ETV6: variants seen among roughly 807,000 people sequenced by gnomAD.
ETV6 encodes ETS variant transcription factor 6, also known as transcription factor ETV6.
Under a neutral mutation model 51.1 loss-of-function variants are expected in ETV6, and 16 were observed. The ratio of observed to expected loss-of-function variants is 0.31; its 90% CI spans 0.21 to 0.48. The LOEUF (loss-of-function observed/expected upper bound fraction) is 0.48. Among genes scored for constraint, ETV6 ranks in the 20% least tolerant of loss-of-function variants. The pLI is 0.99. For missense variants in ETV6, 458 were observed against 594.8 expected (o/e 0.77, Z 2.39); for synonymous variants, 240 against 224.1 (o/e 1.07, Z -0.64).
rs181439339 is a variant in ETV6, at chr12:11,845,941, G to A, written c.328+6637G>A. On this transcript the variant is annotated intron_variant, in intron 3 of 7. Coordinates refer to ENST00000396373, the MANE Select transcript of ETV6 (RefSeq NM_001987.5). ...CAGGAGGCGGAGGTTGCAGTGAGCC[G>A]AGATCACGCCATTGCTCTCCAGCCT... Among the ~76,000 whole-genome samples, 42 of 150,806 alleles carry A rather than the reference G, an allele frequency of 2.8e-4. 1 individual carries two copies. The highest frequency in any genetic ancestry group is 9.8e-4 in the African/African-American group (40 of 41,002).
chr12:11,717,271 C>T (rs1014908732), intron 1 of ETV6, among the ~76,000 whole-genome samples: 1 of 152,252 alleles, frequency 6.6e-6, no homozygotes. Context: ...GCCACATTTT[C>T]AGCTTCAATA....
At chr12:11,783,799 CTT>C (rs910072001) in intron 2 of ETV6, among the ~76,000 whole-genome samples, 2 of 152,124 alleles carry the variant, frequency 1.3e-5, no homozygotes, top group African/African-American at 4.8e-5. Context: ...GGCTTCATAA[CTT>C]GTGGAAACTC....
At chr12:11,653,817 T>C (rs1452069417) in intron 1 of ETV6, among the ~76,000 whole-genome samples, 7 of 151,790 alleles carry the variant, frequency 4.6e-5, no homozygotes, top group Non-Finnish European at 1.5e-5. Flanking sequence ...AATAATGTTT[T>C]ATAATTTTTT....
intron 2 of ETV6, among the ~76,000 whole-genome samples, chr12:11,835,495 A>G (rs1946304532): frequency 6.6e-6 from 1 of 152,138 alleles, no homozygotes; most frequent in African/African-American, 2.4e-5. Context: ...CTTCTGTTCC[A>G]TTTGCAGCTG....
rs564916593 is a variant in ETV6 at position 11,676,835 on chromosome 12, G to T, written c.33+26675G>T. Among the ~76,000 whole-genome samples the T allele has an allele frequency of 4.6e-5, 7 of 152,328 alleles. No homozygotes were observed. The South Asian group carries it at 1.4e-3, about 32-fold the overall frequency. On this transcript the variant is annotated intron_variant, in intron 1 of 7. Coordinates refer to ENST00000396373, the MANE Select transcript of ETV6 (RefSeq NM_001987.5). ...TGATTGAAGGAGTGCGTGGAAAACA[G>T]AATTTGGTCTTTGATTTTTTTCTGT...
chr12:11,893,362 T>A lies in ETV6; in HGVS notation c.*2316T>A, dbSNP rs1471469019. On this transcript the variant is annotated 3_prime_UTR_variant, in exon 8 of 8. Coordinates refer to ENST00000396373, the MANE Select transcript of ETV6 (RefSeq NM_001987.5). ...ACTCAGTCTCTTACTGTTCAAAGAA[T>A]CTTAACAGTTGAATTATGGAGGGAA... 4.7e-6 allele frequency: 1 copy of A among 212,762 alleles called. No individual in the cohort carries two copies. Among genetic ancestry groups the A allele is most frequent in the East Asian group, 6.4e-5 (1 of 15,594 alleles). 13.2% of individuals were successfully genotyped at this position (212,762 alleles called of 1,614,324 possible).
intron 2 of ETV6, among the ~76,000 whole-genome samples, chr12:11,823,834 C>T (rs1385077847): frequency 6.6e-6 from 1 of 152,044 alleles, no homozygotes; most frequent in African/African-American, 2.4e-5. Context: ...TGGGAGAAGC[C>T]ATTCAGCCCC....
chr12:11,826,794 C>T (rs1307269130), intron 2 of ETV6, among the ~76,000 whole-genome samples: 2 of 152,062 alleles, frequency 1.3e-5, no homozygotes, highest in Non-Finnish European at 2.9e-5. Flanking sequence ...AGCCCAGGGA[C>T]AAAGCATGAG....
chr12:11,823,149 G>T (rs1946105094), intron 2 of ETV6, among the ~76,000 whole-genome samples: 1 of 152,166 alleles, frequency 6.6e-6, no homozygotes. Flanking sequence ...TTGGTTTTGT[G>T]GGGGCTCTTT....
At chr12:11,859,858 C>T (rs527993199) in intron 4 of ETV6, among the ~76,000 whole-genome samples, 1 of 152,292 alleles carries the variant, frequency 6.6e-6, no homozygotes, top group East Asian at 1.9e-4. Context: ...TGTGGCAGGT[C>T]CTGCTTACAT....
In ETV6 at chr12:11,699,455, G is replaced by A. The variant is rs117370666; in HGVS notation, c.33+49295G>A. ...ATTTTTCCAGCCTATAAAACTATAT[G>A]TAGATGGATCTTGATGAGGGATGTA... On this transcript the variant is annotated intron_variant, in intron 1 of 7. Transcript: ENST00000396373. 3.6e-3 allele frequency among the ~76,000 whole-genome samples: 543 copies of A among 152,250 alleles called. 2 individuals are homozygous for A. The highest frequency in any genetic ancestry group is 6.1e-3 in the Non-Finnish European group (418 of 68,002).
intron 4 of ETV6, among the ~76,000 whole-genome samples, chr12:11,868,373 A>G (rs1039550102): frequency 4.0e-5 from 6 of 150,442 alleles, no homozygotes; most frequent in Non-Finnish European, 8.8e-5. Context: ...TAGGGGTACT[A>G]GTGGTATCTC....
At chr12:11,650,185 A>G (rs1863864110) in intron 1 of ETV6, 25 bp downstream of exon 1, 2 of 1,607,324 alleles carry the variant, frequency 1.2e-6, no homozygotes, top group East Asian at 2.2e-5. Context: ...CCCTCCTTCT[A>G]CGTGGTGGAA....
At position 11,650,177 on chromosome 12, in the gene ETV6, C is replaced by T. The variant is rs769056278; in HGVS notation, c.33+17C>T. 1 of 1,611,000 alleles carries T rather than the reference C, an allele frequency of 6.2e-7. No homozygotes were observed. Among genetic ancestry groups the T allele is most frequent in the South Asian group, 1.1e-5 (1 of 91,010 alleles). On this transcript the variant is annotated intron_variant, in intron 1 of 7. Coordinates refer to ENST00000396373, the MANE Select transcript of ETV6 (RefSeq NM_001987.5). ...AGCATTAAGGTAAAAATCTTCTCCCCTCCTTCTACGTGGTGGAAACCCTGA... is the reference window on the plus strand; with the variant it reads ...AGCATTAAGGTAAAAATCTTCTCCCTTCCTTCTACGTGGTGGAAACCCTGA...
intron 2 of ETV6, among the ~76,000 whole-genome samples, chr12:11,754,115 A>C (rs2121075833): frequency 6.6e-6 from 1 of 152,340 alleles, no homozygotes; most frequent in South Asian, 2.1e-4. Flanking sequence ...CACTTCAGAA[A>C]TATTCGCCTC....
intron 2 of ETV6, among the ~76,000 whole-genome samples, chr12:11,799,507 A>G (rs1346659048): frequency 6.6e-6 from 1 of 152,170 alleles, no homozygotes; most frequent in Non-Finnish European, 1.5e-5. Flanking sequence ...AAGAGAGGAG[A>G]GGAGAACCCG....
chr12:11,730,622 C>T (rs1254403172), intron 1 of ETV6, among the ~76,000 whole-genome samples: 1 of 152,222 alleles, frequency 6.6e-6, no homozygotes, highest in African/African-American at 2.4e-5. Flanking sequence ...GTTGTCCCTG[C>T]TCTGTGAACC....
Position 11,874,179 on chromosome 12 carries a change from C to T in ETV6, c.1009+4210C>T, listed in dbSNP as rs1241462009. Reference sequence around the variant, plus strand: ...TCACCTGAGGTCAGGATTTCGAGACCAGCCTGGCCAACATGGTGAAACCCC... The same window carrying T: ...TCACCTGAGGTCAGGATTTCGAGACTAGCCTGGCCAACATGGTGAAACCCC... On this transcript the variant is annotated intron_variant, in intron 5 of 7. Coordinates refer to ENST00000396373, the MANE Select transcript of ETV6 (RefSeq NM_001987.5). Among the ~76,000 whole-genome samples the T allele has an allele frequency of 4.5e-5, 2 of 44,642 alleles. 1 individual carries two copies. Among genetic ancestry groups the T allele is most frequent in the East Asian group, 7.9e-3 (2 of 254 alleles). The allele number at this position is 44,642 out of a possible 152,430, so 29.3% of individuals were successfully genotyped here.
At chr12:11,659,653 C>G (rs1300447723) in intron 1 of ETV6, among the ~76,000 whole-genome samples, 1 of 152,202 alleles carries the variant, frequency 6.6e-6, no homozygotes, top group Non-Finnish European at 1.5e-5. Context: ...CATGCAGACT[C>G]TAAAGCATTT....
Sources: gnomAD v4.1 joint callset for allele counts (sites outside exome capture counted in the v4.1 genomes callset) on GRCh38, gnomAD v4.1.1 for gene constraint, MANE v1.5 for transcripts, NCBI Gene and HGNC (gene_info 2026-07-23, HGNC 2026-07-21) for gene names.